Variants in CCM2 observed in about 807,000 individuals in gnomAD.
The protein encoded by CCM2 is cerebral cavernous malformations 2 protein.
A neutral mutation model predicts 44.9 loss-of-function variants in CCM2; 25 were observed. That is an observed-to-expected ratio of 0.56 (90% CI 0.41 to 0.78). The LOEUF (loss-of-function observed/expected upper bound fraction) is 0.78. CCM2 is among the 30% of genes least tolerant of loss of function. CCM2 has a pLI of 0.00. For synonymous variants in CCM2, 219 were observed against 241.1 expected, an observed-to-expected ratio of 0.91 and a Z score of 0.85; for missense variants, 481 against 580.6, an observed-to-expected ratio of 0.83 and a Z score of 1.76.
intron 2 of CCM2, among the ~76,000 whole-genome samples, chr7:45,055,624 G>A (rs1360247428): frequency 6.6e-6 from 1 of 152,178 alleles, no homozygotes; most frequent in Non-Finnish European, 1.5e-5. Context: ...GGAGGCAGAG[G>A]TTGCAGTGAG....
chr7:45,000,251 G>T lies in CCM2; in HGVS notation c.-83G>T, dbSNP rs1462435179. ...CGGCGCCGGGAGCGCGGGGGCGGCG[G>T]GCCCGGGTCGAGCATGTAGCGGCTG... is the stretch of plus-strand genomic sequence containing the variant. On this transcript the variant is annotated 5_prime_UTR_variant, in exon 1 of 10. Coordinates refer to ENST00000258781, the MANE Select transcript of CCM2 (RefSeq NM_031443.4). 2 of 879,414 alleles carry T rather than the reference G, an allele frequency of 2.3e-6. No individual in the cohort carries two copies. Among genetic ancestry groups the T allele is most frequent in the Non-Finnish European group, 2.8e-6 (2 of 715,472 alleles). The allele number at this position is 879,414 out of a possible 1,614,324, so 54.5% of individuals were successfully genotyped here. A position where few individuals can be genotyped will look rare whatever the true frequency, so the allele number is the denominator to read the frequency against.
chr7:45,019,558 T>C (rs1173103108), intron 1 of CCM2, among the ~76,000 whole-genome samples: 1 of 152,186 alleles, frequency 6.6e-6, no homozygotes, highest in Non-Finnish European at 1.5e-5. Context: ...CAAACTCTTA[T>C]CTACCCTGCA....
intron 1 of CCM2, among the ~76,000 whole-genome samples, chr7:45,033,040 G>A (rs1433710384): frequency 3.7e-4 from 22 of 59,236 alleles, no homozygotes; most frequent in Non-Finnish European, 5.7e-4. Context: ...GCAAAACTCC[G>A]TCTCAAAAAA....
At chr7:45,068,132 A>G (rs1313401399) in intron 4 of CCM2, 6 of 433,230 alleles carry the variant, frequency 1.4e-5, no homozygotes, top group South Asian at 1.1e-4. Flanking sequence ...CCCAGAACAC[A>G]TGGAAACCTC....
At chr7:45,020,544 CCT>C (rs1386649178) in intron 1 of CCM2, among the ~76,000 whole-genome samples, 7 of 152,120 alleles carry the variant, frequency 4.6e-5, no homozygotes, top group African/African-American at 1.7e-4. Flanking sequence ...AATTTTCTAA[CCT>C]GTCATGTATG....
At chr7:45,004,971 G>A (rs1311663252) in intron 1 of CCM2, among the ~76,000 whole-genome samples, 2 of 147,850 alleles carry the variant, frequency 1.4e-5, no homozygotes, top group Non-Finnish European at 3.0e-5. Context: ...GCTCCAGCCT[G>A]GGCGACAAGA....
Position 45,076,131 on chromosome 7 carries a change from C to G in CCM2, c.*74C>G. On this transcript the variant is annotated 3_prime_UTR_variant, in exon 10 of 10. Coordinates refer to ENST00000258781, the MANE Select transcript of CCM2 (RefSeq NM_031443.4). Reference sequence around the variant, plus strand: ...GCCTTCCCAGAAGGAGCTGCCCAGACCTGCGTGTCAGCCCTTGGTGGTGGC... The same window carrying G: ...GCCTTCCCAGAAGGAGCTGCCCAGAGCTGCGTGTCAGCCCTTGGTGGTGGC... 6.3e-7 allele frequency: 1 copy of G among 1,595,014 alleles called. No individual in the cohort carries two copies. Among genetic ancestry groups the G allele is most frequent in the Non-Finnish European group, 8.5e-7 (1 of 1,172,880 alleles).
chr7:45,050,628 C>T (rs938210952), intron 2 of CCM2, among the ~76,000 whole-genome samples: 1 of 152,192 alleles, frequency 6.6e-6, no homozygotes, highest in Non-Finnish European at 1.5e-5. Context: ...GAGTGTCTTT[C>T]AAATGGTCAA....
At chr7:45,062,662 C>G (rs1303874583) in intron 2 of CCM2, among the ~76,000 whole-genome samples, 1 of 152,102 alleles carries the variant, frequency 6.6e-6, no homozygotes, top group African/African-American at 2.4e-5. Flanking sequence ...TGGCAAAACC[C>G]TGTCTCTACA....
intron 1 of CCM2, among the ~76,000 whole-genome samples, chr7:45,004,463 C>T (rs553420103): frequency 1.3e-5 from 2 of 152,186 alleles, no homozygotes; most frequent in South Asian, 2.1e-4. Context: ...GGAAAAGATC[C>T]TCTAGGTTAC....
chr7:45,023,157 T>TA (rs370929015), intron 1 of CCM2, among the ~76,000 whole-genome samples: 2 of 152,332 alleles, frequency 1.3e-5, no homozygotes, highest in African/African-American at 4.8e-5. Flanking sequence ...GTGTCCATTA[T>TA]ATCACTCTGT....
At chr7:45,027,531 G>A in intron 1 of CCM2, 1 of 1,189,030 alleles carries the variant, frequency 8.4e-7, no homozygotes, top group Middle Eastern at 2.0e-4. Flanking sequence ...TTTGGATTTT[G>A]CCAACAGTTT....
intron 2 of CCM2, among the ~76,000 whole-genome samples, chr7:45,045,670 A>G (rs888353497): frequency 1.3e-5 from 2 of 152,194 alleles, no homozygotes; most frequent in African/African-American, 4.8e-5. Context: ...GGGTGCCTGT[A>G]GTCCCAGCTA....
chr7:45,068,729 A>G, intron 5 of CCM2, 150 bp downstream of exon 5: 2 of 1,012,442 alleles, frequency 2.0e-6, no homozygotes, highest in Non-Finnish European at 3.0e-6. Context: ...GCCTCACCCT[A>G]GTCTCCACCC....
rs1462454869 is a variant in CCM2 at position 45,022,310 on chromosome 7, T to A, written c.31-15943T>A. 2.9e-5 allele frequency among the ~76,000 whole-genome samples: 4 copies of A among 136,550 alleles called. No individual in the cohort carries two copies. In the East Asian group the frequency reaches 8.5e-4, roughly 29 times the overall value. The allele number at this position is 136,550 out of a possible 152,430, so 89.6% of individuals were successfully genotyped here. On this transcript the variant is annotated intron_variant, in intron 1 of 9. Coordinates refer to ENST00000258781, the MANE Select transcript of CCM2 (RefSeq NM_031443.4). ...ACCAGCTTTTTTTTTTTTTTTTTTT[T>A]TTTTTTTTTGAGATGGAGTCTTGCT... is the stretch of plus-strand genomic sequence containing the variant.
chr7:45,072,858 C>T (rs1336531874), intron 7 of CCM2, 75 bp downstream of exon 7: 6 of 1,212,340 alleles, frequency 4.9e-6, no homozygotes, highest in African/African-American at 1.5e-5. Context: ...CAGGCTGCAG[C>T]CAGTCAGCTC....
intron 1 of CCM2, among the ~76,000 whole-genome samples, chr7:45,008,250 G>C (rs1261033102): frequency 2.0e-5 from 3 of 151,714 alleles, no homozygotes; most frequent in Non-Finnish European, 4.4e-5. Context: ...ATGTTGGCAA[G>C]AATGGTCTTG....
At chr7:45,042,275 A>AAAAAAAAAAAAAAT (rs10684929) in intron 2 of CCM2, among the ~76,000 whole-genome samples, 1 of 150,794 alleles carries the variant, frequency 6.6e-6, no homozygotes, top group Non-Finnish European at 1.5e-5. Flanking sequence ...CAAAAAAAAA[A>AAAAAAAAAAAAAAT]GGTGCCGTTC....
chr7:45,001,252 A>G (rs1355865879), intron 1 of CCM2, among the ~76,000 whole-genome samples: 2 of 152,218 alleles, frequency 1.3e-5, no homozygotes, highest in African/African-American at 4.8e-5. Flanking sequence ...TTGAAATAGA[A>G]TGTAGCCAGG....
Sources: gnomAD v4.1 joint callset for allele counts (sites outside exome capture counted in the v4.1 genomes callset) on GRCh38, gnomAD v4.1.1 for gene constraint, MANE v1.5 for transcripts, NCBI Gene and HGNC (gene_info 2026-07-23, HGNC 2026-07-21) for gene names.